Variants in LAMA1 observed in about 807,000 individuals in gnomAD.
The protein encoded by LAMA1 is laminin subunit alpha 1.
LAMA1 carries 219 observed loss-of-function variants against 348.7 expected under a neutral mutation model. The observed-to-expected ratio is 0.63, with a 90% CI of 0.56 to 0.70. The LOEUF (loss-of-function observed/expected upper bound fraction) is 0.70, where lower values mean the gene tolerates loss of function less well. Ranked by LOEUF, LAMA1 falls within the 30% of genes least tolerant of loss-of-function variation. LAMA1 has a pLI of 0.00. For missense variants in LAMA1, 3,744 were observed against 3,888.0 expected (o/e 0.96, Z 0.99); for synonymous variants, 1,487 against 1,491.0 (o/e 1.00, Z 0.06).
Position 6,970,044 on chromosome 18 carries a change from C to G in LAMA1, c.6899+1813G>C, listed in dbSNP as rs192880260. 9.2e-5 allele frequency among the ~76,000 whole-genome samples: 14 copies of G among 152,078 alleles called. No homozygotes were observed. The East Asian group carries it at 2.1e-3, about 23-fold the overall frequency. ...AACAGTGAGGTTAATGATCTGGGGT[C>G]AGTGGAGGGGATAGAGTCTAGGGGT... On this transcript the variant is annotated intron_variant, in intron 48 of 62. Transcript: ENST00000389658.
chr18:7,116,934 C>T (rs563733266), intron 1 of LAMA1, among the ~76,000 whole-genome samples: 2 of 152,290 alleles, frequency 1.3e-5, no homozygotes, highest in African/African-American at 4.8e-5. Flanking sequence ...CAAGGTGCTC[C>T]CTTCTCCGCT....
intron 3 of LAMA1, among the ~76,000 whole-genome samples, chr18:7,077,515 A>G (rs906377390): frequency 1.3e-5 from 2 of 152,018 alleles, no homozygotes; most frequent in Non-Finnish European, 2.9e-5. Flanking sequence ...GTCTATGCTT[A>G]TTTTTTAAAA....
chr18:7,013,775 G>A, intron 23 of LAMA1, 40 bp downstream of exon 23: 1 of 1,593,042 alleles, frequency 6.3e-7, no homozygotes, highest in Non-Finnish European at 8.6e-7. Flanking sequence ...ATGATGAGGA[G>A]CCAGAGACAG....
intron 1 of LAMA1, among the ~76,000 whole-genome samples, chr18:7,091,137 A>G (rs189056780): frequency 1.3e-5 from 2 of 152,348 alleles, no homozygotes; most frequent in Admixed American, 6.5e-5. Context: ...TGGCAGAGAA[A>G]AGAACTTTAA....
intron 2 of LAMA1, 30 bp from the exon 3 acceptor site, chr18:7,080,117 CCT>C: frequency 6.3e-7 from 1 of 1,583,796 alleles, no homozygotes; most frequent in Non-Finnish European, 8.7e-7. Context: ...AACATGAATT[CCT>C]CTCGGCTGTT....
chr18:7,050,575 T>C (rs2058058337), intron 4 of LAMA1, 119 bp downstream of exon 4: 1 of 1,455,434 alleles, frequency 6.9e-7, no homozygotes, highest in Non-Finnish European at 9.5e-7. Flanking sequence ...CAAGGCCACT[T>C]TAAATAGAGC....
intron 16 of LAMA1, among the ~76,000 whole-genome samples, chr18:7,028,206 A>G (rs1438615279): frequency 6.6e-6 from 1 of 152,230 alleles, no homozygotes; most frequent in Non-Finnish European, 1.5e-5. Flanking sequence ...CTGTGGATCA[A>G]TGTCACGTGC....
intron 3 of LAMA1, among the ~76,000 whole-genome samples, chr18:7,074,954 T>TAATA (rs2058160765): frequency 1.6e-5 from 1 of 64,416 alleles, no homozygotes; most frequent in Admixed American, 1.7e-4. Context: ...TAACCAAACC[T>TAATA]AATACATAGA....
intron 59 of LAMA1, 32 bp downstream of exon 59, chr18:6,949,069 G>A: frequency 6.2e-7 from 1 of 1,613,808 alleles, no homozygotes; most frequent in South Asian, 1.1e-5. Context: ...ACACAACGAA[G>A]GTAAAATGTC....
chr18:6,975,156 A>G lies in LAMA1; in HGVS notation c.6490-120T>C. The G allele has an allele frequency of 5.0e-6, 6 of 1,188,346 alleles. No homozygotes were observed. The South Asian group carries it at 7.9e-5, about 16-fold the overall frequency. The allele number at this position is 1,188,346 out of a possible 1,614,324, so 73.6% of individuals were successfully genotyped here. On this transcript the variant is annotated intron_variant, in intron 45 of 62. Coordinates refer to ENST00000389658, the MANE Select transcript of LAMA1 (RefSeq NM_005559.4). Reference sequence around the variant, plus strand: ...TCTTTTCTTAAAAATAAATACATAAAAAGCAAACCCCCCAAATCTATTTTC... The same window carrying G: ...TCTTTTCTTAAAAATAAATACATAAGAAGCAAACCCCCCAAATCTATTTTC...
At position 7,017,863 on chromosome 18, in the gene LAMA1, T is replaced by C. The variant is rs140103009; in HGVS notation, c.2702-479A>G. ...TTTTCATTAAATATGATATCCCAGTTCTAAGTCATGAGTCATTTGTAGTTT... is the reference window on the plus strand; with the variant it reads ...TTTTCATTAAATATGATATCCCAGTCCTAAGTCATGAGTCATTTGTAGTTT... On this transcript the variant is annotated intron_variant, in intron 19 of 62. Coordinates refer to ENST00000389658, the MANE Select transcript of LAMA1 (RefSeq NM_005559.4). Among the ~76,000 whole-genome samples the C allele has an allele frequency of 7.7e-4, 118 of 152,294 alleles. 1 individual carries two copies. The East Asian group carries it at 0.022, about 28-fold the overall frequency.
rs1390446926 is a variant in LAMA1 at position 7,038,467 on chromosome 18, C to T, written c.1563+343G>A. On this transcript the variant is annotated intron_variant, in intron 11 of 62. Coordinates refer to ENST00000389658, the MANE Select transcript of LAMA1 (RefSeq NM_005559.4). Reference sequence around the variant, plus strand: ...GAGCTGGAAAATCCCCATGGCCCCACGGCCCTCTGGGCTCCCAGGCCTGAG... The same window carrying T: ...GAGCTGGAAAATCCCCATGGCCCCATGGCCCTCTGGGCTCCCAGGCCTGAG... The T allele has an allele frequency of 1.8e-4, 69 of 381,372 alleles. 1 individual carries two copies. Among genetic ancestry groups the T allele is most frequent in the Non-Finnish European group, 5.0e-5 (10 of 200,878 alleles). The allele number at this position is 381,372 out of a possible 1,614,324, so 23.6% of individuals were successfully genotyped here.
intron 1 of LAMA1, among the ~76,000 whole-genome samples, chr18:7,088,474 C>T (rs2058226463): frequency 6.6e-6 from 1 of 151,930 alleles, no homozygotes; most frequent in African/African-American, 2.4e-5. Flanking sequence ...ACATACTTGG[C>T]TTTCTTTCTA....
At chr18:7,017,513 T>C (rs2057894699) in intron 19 of LAMA1, 129 bp from the exon 20 acceptor site, 4 of 735,974 alleles carry the variant, frequency 5.4e-6, no homozygotes, top group South Asian at 4.5e-5. Flanking sequence ...AAAAATAATA[T>C]TATTGGCAAT....
chr18:7,055,032 C>T (rs192683937), intron 3 of LAMA1, among the ~76,000 whole-genome samples: 18 of 152,052 alleles, frequency 1.2e-4, no homozygotes, highest in South Asian at 4.1e-4. Flanking sequence ...AAGTCTTTTA[C>T]GGAAGTCAAA....
chr18:7,093,004 A>C (rs1426227741), intron 1 of LAMA1, among the ~76,000 whole-genome samples: 1 of 152,226 alleles, frequency 6.6e-6, no homozygotes, highest in Non-Finnish European at 1.5e-5. Flanking sequence ...GTCTTTAAAA[A>C]GGACGCAAGC....
At chr18:7,003,599 T>C (rs1022606056) in intron 29 of LAMA1, among the ~76,000 whole-genome samples, 2 of 152,168 alleles carry the variant, frequency 1.3e-5, no homozygotes, top group African/African-American at 4.8e-5. Flanking sequence ...CAAGCAGTTC[T>C]TGCCATCTGA....
rs188147882 is a variant in LAMA1 at position 7,080,399 on chromosome 18, G to A, written c.120C>T (p.Thr40=). 3.1e-5 allele frequency: 50 copies of A among 1,614,254 alleles called. No individual in the cohort carries two copies. In the East Asian group the frequency reaches 8.2e-4, roughly 27 times the overall value. ...ASNAHISTNA[T]CGEKGPEMFC... ...ACATCTCCGGCCCCTTCTCGCCACAGGTGGCATTGGTGCTGATGTGAGCAT... is the reference window on the plus strand; with the variant it reads ...ACATCTCCGGCCCCTTCTCGCCACAAGTGGCATTGGTGCTGATGTGAGCAT... The change falls in exon 2 of 63, where the codon ACC becomes ACT. Residue 40 remains threonine, a synonymous_variant. Transcript: ENST00000389658.
At chr18:7,024,572 TGA>T in intron 17 of LAMA1, 106 bp from the exon 18 acceptor site, 1 of 902,430 alleles carries the variant, frequency 1.1e-6, no homozygotes. Flanking sequence ...AGACCTTCAA[TGA>T]GACCTCCTTA....
Sources: allele counts gnomAD v4.1 joint callset (sites outside exome capture counted in the v4.1 genomes callset), GRCh38; gene constraint gnomAD v4.1.1; transcripts MANE v1.5; gene names NCBI Gene and HGNC (gene_info 2026-07-23, HGNC 2026-07-21).